The following TEX15 variants were observed in gnomAD, a reference collection of about 807,000 sequenced individuals.
The protein encoded by TEX15 is testis-expressed protein 15.
Under a neutral mutation model 237.3 loss-of-function variants are expected in TEX15, and 171 were observed. That is an observed-to-expected ratio of 0.72 (90% confidence interval 0.64 to 0.82). The LOEUF (loss-of-function observed/expected upper bound fraction) is 0.82, where lower values mean the gene tolerates loss of function less well. Among genes scored for constraint, TEX15 ranks in the 40% least tolerant of loss-of-function variants. TEX15 has a pLI of 0.00. For missense variants in TEX15, 3,750 were observed against 3,646.5 expected (o/e 1.03, Z -0.73); for synonymous variants, 1,338 against 1,269.8 (o/e 1.05, Z -1.14).
rs62000449 is a variant in TEX15 at position 30,846,848 on chromosome 8, C to G, written c.3319G>C (p.Ala1107Pro). The G allele has an allele frequency of 2.4e-3, 3,848 of 1,613,900 alleles. 92 individuals are homozygous for G. The African/African-American group carries it at 0.045, about 19-fold the overall frequency. The change falls in exon 8 of 11, where the codon GCA (alanine) becomes CCA (proline). Residue 1107 changes from alanine to proline, a missense_variant. Coordinates refer to ENST00000643185, the MANE Select transcript of TEX15 (RefSeq NM_001350162.2). ...ACTTCCATCTCCCCGTTATCAAGTG[C>G]TAACAGACCTTCCCAACTGATACGA... is the stretch of plus-strand genomic sequence containing the variant. ...KSRISWEGLL[A>P]LDNGEMEVLE...
intron 8 of TEX15, among the ~76,000 whole-genome samples, chr8:30,841,025 C>T (rs182051552): frequency 1.3e-5 from 2 of 152,266 alleles, no homozygotes; most frequent in East Asian, 1.9e-4. Flanking sequence ...TCAGGCAATC[C>T]TCTTGCTTCA....
chr8:30,893,642 T>C (rs1808838332), intron 2 of TEX15, among the ~76,000 whole-genome samples: 2 of 152,230 alleles, frequency 1.3e-5, no homozygotes, highest in South Asian at 4.1e-4. Context: ...GGTAGAAAAT[T>C]CTAGAATGAC....
In TEX15 at chr8:30,845,249, T is replaced by C. The variant is rs143493592; in HGVS notation, c.4918A>G (p.Ile1640Val). Residue 1640 changes from isoleucine (I) to valine (V), a missense_variant, in exon 8 of 11, where the codon ATA becomes GTA. Ile to Val is a conservative substitution (Grantham distance 29, BLOSUM62 3). Transcript: ENST00000643185. ...TCAGTTTTCGCCTTTGTGTGACCTATGCAAGTTGCATCACAATCGTTGCCT... is the reference window on the plus strand; with the variant it reads ...TCAGTTTTCGCCTTTGTGTGACCTACGCAAGTTGCATCACAATCGTTGCCT... The part of the protein sequence containing the change: ...STGNDCDATC[I>V]GHTKAKTDVL... The C allele has an allele frequency of 1.3e-5, 21 of 1,613,436 alleles. No individual in the cohort carries two copies. In the African/African-American group the frequency reaches 2.3e-4, roughly 17 times the overall value.
At chr8:30,909,816 T>C (rs1021867812) in intron 1 of TEX15, among the ~76,000 whole-genome samples, 1 of 152,078 alleles carries the variant, frequency 6.6e-6, no homozygotes, top group Non-Finnish European at 1.5e-5. Flanking sequence ...TAACAAAATA[T>C]AAACGGAAAG....
intron 3 of TEX15, among the ~76,000 whole-genome samples, chr8:30,877,181 C>T (rs907340145): frequency 6.6e-6 from 1 of 152,174 alleles, no homozygotes; most frequent in African/African-American, 2.4e-5. Context: ...CCTCATTTGA[C>T]CTTAAATGAG....
intron 5 of TEX15, among the ~76,000 whole-genome samples, chr8:30,862,528 T>C (rs1808072591): frequency 6.6e-6 from 1 of 152,144 alleles, no homozygotes; most frequent in Non-Finnish European, 1.5e-5. Context: ...CTGGGCTTTT[T>C]GGACTTTTTA....
chr8:30,889,954 C>CAT lies in TEX15; in HGVS notation c.-9-2645_-9-2644dup. 6.6e-3 allele frequency among the ~76,000 whole-genome samples: 723 copies of CAT among 110,054 alleles called. 17 individuals carry two copies. Among genetic ancestry groups the CAT allele is most frequent in the East Asian group, 0.037 (169 of 4,588 alleles). The allele number at this position is 110,054 out of a possible 152,430, so 72.2% of individuals were successfully genotyped here. Reference sequence around the variant, plus strand: ...ATATACATATATATATATATATATACATATATATATATATGTATAAGTAAA... The same window carrying CAT: ...ATATACATATATATATATATATATACATATATATATATATATGTATAAGTAAA... On this transcript the variant is annotated intron_variant, in intron 2 of 10. Coordinates refer to ENST00000643185, the MANE Select transcript of TEX15 (RefSeq NM_001350162.2).
rs780686579 is a variant in TEX15, at chr8:30,846,870, A to C, written c.3297T>G (p.Arg1099=). ...FVTSYKALKS[R]ISWEGLLALD... Reference sequence around the variant, plus strand: ...GTGCTAACAGACCTTCCCAACTGATACGAGACTTCAGAGCCTTATATGAGG... The same window carrying C: ...GTGCTAACAGACCTTCCCAACTGATCCGAGACTTCAGAGCCTTATATGAGG... The change falls in exon 8 of 11, where the codon CGT becomes CGG. Residue 1099 remains arginine (R), a synonymous_variant. Coordinates refer to ENST00000643185, the MANE Select transcript of TEX15 (RefSeq NM_001350162.2). The C allele has an allele frequency of 3.1e-6, 5 of 1,613,886 alleles. No homozygotes were observed. In the South Asian group the frequency reaches 5.5e-5, roughly 18 times the overall value.
Position 30,848,531 on chromosome 8 carries a change from T to A in TEX15, c.1636A>T (p.Asn546Tyr). Residue 546 changes from asparagine to tyrosine, a missense_variant, in exon 8 of 11, where the codon AAT becomes TAT. Transcript: ENST00000643185. ...TGGTTCTCAACCTCTGACACTACAT[T>A]TGACACAGAAATTGGGAAGGAAAAA... ...GNFSFPISVS[N>Y]VVSEVENQNH... 6.2e-7 allele frequency: 1 copy of A among 1,614,148 alleles called. No homozygotes were observed. Among genetic ancestry groups the A allele is most frequent in the Non-Finnish European group, 8.5e-7 (1 of 1,180,022 alleles).
At chr8:30,910,610 CTTTTTTTT>C (rs796129316) in intron 1 of TEX15, among the ~76,000 whole-genome samples, 16 of 97,910 alleles carry the variant, frequency 1.6e-4, no homozygotes, top group African/African-American at 5.6e-4. Flanking sequence ...CACGCCTGGC[CTTTTTTTT>C]TTTTTTTTTT....
chr8:30,842,743 A>C lies in TEX15; in HGVS notation c.7424T>G (p.Leu2475Arg), dbSNP rs933582376. The C allele has an allele frequency of 6.2e-7, 1 of 1,613,538 alleles. No homozygotes were observed. The highest frequency in any genetic ancestry group is 1.3e-5 in the African/African-American group (1 of 75,012). The change falls in exon 8 of 11, where the codon CTT (leucine) becomes CGT (arginine). Residue 2475 changes from leucine to arginine, a missense_variant. Leu to Arg is a moderately radical substitution (Grantham distance 102). Coordinates refer to ENST00000643185, the MANE Select transcript of TEX15 (RefSeq NM_001350162.2). ...AGGAAGAAGTGACAAATCAAACCAA[A>C]GCATACCTCGAAACCTCTGTTTGTC... ...KLDKQRFRGM[L>R]WFDLSLLPEL...
intron 2 of TEX15, among the ~76,000 whole-genome samples, chr8:30,895,013 C>T (rs1808868870): frequency 6.6e-6 from 1 of 152,100 alleles, no homozygotes; most frequent in Non-Finnish European, 1.5e-5. Context: ...AGAACTGTGA[C>T]AAAGAAATTT....
chr8:30,860,027 G>T lies in TEX15; in HGVS notation c.571C>A (p.Pro191Thr), dbSNP rs769020639. ...VLFGKVKKIQ[P>T]SVDKNKVSLD... ...GAAACTTTATTTTTATCCACAGAAG[G>T]TTGGATTTTCTTCACTTTTCCAAAG... Residue 191 changes from proline (P) to threonine (T), a missense_variant, in exon 6 of 11, where the codon CCT (proline) becomes ACT (threonine). Physicochemically the swap from Pro to Thr is conservative, Grantham distance 38 (BLOSUM62 -1). Coordinates refer to ENST00000643185, the MANE Select transcript of TEX15 (RefSeq NM_001350162.2). 19 of 1,482,140 alleles carry T rather than the reference G, an allele frequency of 1.3e-5. No individual in the cohort carries two copies. In the Middle Eastern group the frequency reaches 7.0e-4, roughly 54 times the overall value. 91.8% of individuals were successfully genotyped at this position (1,482,140 alleles called of 1,614,324 possible). A position where few individuals can be genotyped will look rare whatever the true frequency, so the allele number is the denominator to read the frequency against.
intron 9 of TEX15, 94 bp downstream of exon 9, chr8:30,839,812 G>T: frequency 1.4e-6 from 1 of 717,126 alleles, no homozygotes; most frequent in South Asian, 2.7e-5. Context: ...ATGATCCAAT[G>T]ACATTATATA....
At chr8:30,885,648 T>TGA (rs1808632005) in intron 3 of TEX15, among the ~76,000 whole-genome samples, 1 of 152,188 alleles carries the variant, frequency 6.6e-6, no homozygotes, top group South Asian at 2.1e-4. Flanking sequence ...TCTATCTTGG[T>TGA]GAGTCCTGTG....
At chr8:30,883,519 C>T (rs1007542698) in intron 3 of TEX15, among the ~76,000 whole-genome samples, 1 of 152,108 alleles carries the variant, frequency 6.6e-6, no homozygotes, top group Non-Finnish European at 1.5e-5. Context: ...CCCCACCCTC[C>T]AACAGACCCC....
intron 3 of TEX15, among the ~76,000 whole-genome samples, chr8:30,884,804 T>C (rs1563269339): frequency 1.3e-5 from 2 of 152,080 alleles, no homozygotes; most frequent in Non-Finnish European, 2.9e-5. Flanking sequence ...TTTTTTTCTA[T>C]TAATTTCCTG....
Position 30,858,798 on chromosome 8 carries a change from C to A in TEX15, c.720G>T (p.Lys240Asn). ...GACATTGCCTAGGTTTATCTACAGG[C>A]TTTGAAAGGACACTGTATTCATAGA... ...VYFYEYSVLS[K>N]PVDKPRQCLP... The change falls in exon 7 of 11, where the codon AAG becomes AAT. Residue 240 changes from lysine to asparagine, a missense_variant. Physicochemically the swap from Lys to Asn is moderately conservative, Grantham distance 94. Transcript: ENST00000643185. The A allele has an allele frequency of 6.5e-7, 1 of 1,534,936 alleles. No individual in the cohort carries two copies.
In TEX15 at chr8:30,847,450, T is replaced by C. The variant is rs1450243368; in HGVS notation, c.2717A>G (p.Asn906Ser). 5 of 1,611,468 alleles carry C rather than the reference T, an allele frequency of 3.1e-6. No individual in the cohort carries two copies. In the East Asian group the frequency reaches 8.9e-5, roughly 29 times the overall value. ...ACTCAAAATTTCTATATTGTGGTAA[T>C]TTTTGTCCTCCTTTTCATCTATATT... ...FSNIDEKEDK[N>S]YHNIEILSSE... The change falls in exon 8 of 11, where the codon AAT (asparagine) becomes AGT (serine). Residue 906 changes from asparagine (N) to serine (S), a missense_variant. Asn to Ser is a conservative substitution (Grantham distance 46, BLOSUM62 1). Coordinates refer to ENST00000643185, the MANE Select transcript of TEX15 (RefSeq NM_001350162.2).
Sources: gnomAD v4.1 joint callset for allele counts (sites outside exome capture counted in the v4.1 genomes callset) on GRCh38, gnomAD v4.1.1 for gene constraint, MANE v1.5 for transcripts, NCBI Gene and HGNC (gene_info 2026-07-23, HGNC 2026-07-21) for gene names.